Variants in DLGAP2 observed in about 807,000 individuals in gnomAD.
DLGAP2 encodes the protein disks large-associated protein 2.
In DLGAP2, 26 loss-of-function variants were observed where a neutral mutation model predicts 100.3. The observed-to-expected ratio is 0.26, with a 90% CI of 0.19 to 0.36. DLGAP2 has a LOEUF of 0.36. DLGAP2 is among the 10% of genes least tolerant of loss of function. DLGAP2 has a pLI of 1.00. For missense variants in DLGAP2, 1,858 were observed against 1,453.2 expected (o/e 1.28, Z -4.53); for synonymous variants, 886 against 630.1 (o/e 1.41, Z -6.08).
chr8:1,466,238 G>T (rs1798621844), intron 3 of DLGAP2, among the ~76,000 whole-genome samples: 1 of 152,144 alleles, frequency 6.6e-6, no homozygotes, highest in Non-Finnish European at 1.5e-5. Context: ...TCCACAGAGT[G>T]GGCTTTGCTT....
intron 2 of DLGAP2, among the ~76,000 whole-genome samples, chr8:1,106,540 G>A: frequency 6.7e-6 from 1 of 149,810 alleles, no homozygotes; most frequent in Non-Finnish European, 1.5e-5. Context: ...CTATTGAAGG[G>A]AGCCATTCTA....
chr8:1,333,782 G>C (rs1403025169), intron 3 of DLGAP2, among the ~76,000 whole-genome samples: 1 of 152,236 alleles, frequency 6.6e-6, no homozygotes, highest in Non-Finnish European at 1.5e-5. Context: ...TTTCTTTAGA[G>C]GAGGTAAGAC....
intron 2 of DLGAP2, among the ~76,000 whole-genome samples, chr8:1,121,861 C>G (rs1208038618): frequency 6.6e-6 from 1 of 152,230 alleles, no homozygotes; most frequent in African/African-American, 2.4e-5. Context: ...GAACTTATAA[C>G]CTTCTATCCT....
At chr8:1,474,114 C>G (rs1278746450) in intron 3 of DLGAP2, among the ~76,000 whole-genome samples, 2 of 152,154 alleles carry the variant, frequency 1.3e-5, no homozygotes, top group Admixed American at 6.5e-5. Context: ...CTCCCTCTTA[C>G]AAGCAAGAAC....
intron 3 of DLGAP2, among the ~76,000 whole-genome samples, chr8:1,392,215 C>CGG (rs1291512131): frequency 6.6e-6 from 1 of 152,126 alleles, no homozygotes; most frequent in African/African-American, 2.4e-5. Context: ...AGATTATGGA[C>CGG]GGGGCGGCCT....
intron 4 of DLGAP2, among the ~76,000 whole-genome samples, chr8:1,539,280 A>C (rs2130484191): frequency 6.6e-6 from 1 of 152,318 alleles, no homozygotes; most frequent in East Asian, 1.9e-4. Context: ...TCTGGGACTT[A>C]ATCGCTGCTG....
At position 1,544,835 on chromosome 8, in the gene DLGAP2, C is replaced by T. The variant is rs943226709; in HGVS notation, c.173-3791C>T. On this transcript the variant is annotated intron_variant, in intron 4 of 14. Coordinates refer to ENST00000637795, the MANE Select transcript of DLGAP2 (RefSeq NM_001346810.2). ...GCAACTTCTGCCTCCCGGGTTCAAG[C>T]GATTCTCCTGCATCAGCCTCCTGAG... 4.6e-5 allele frequency among the ~76,000 whole-genome samples: 7 copies of T among 151,524 alleles called. No individual in the cohort carries two copies. In the East Asian group the frequency reaches 5.8e-4, roughly 13 times the overall value.
chr8:1,161,500 A>T (rs898081247), intron 2 of DLGAP2, among the ~76,000 whole-genome samples: 1 of 152,156 alleles, frequency 6.6e-6, no homozygotes, highest in African/African-American at 2.4e-5. Context: ...TTCTGTTGGG[A>T]TGTGTGGGGG....
At chr8:955,562 A>G (rs757887971) in intron 2 of DLGAP2, among the ~76,000 whole-genome samples, 3 of 152,254 alleles carry the variant, frequency 2.0e-5, no homozygotes, top group Non-Finnish European at 4.4e-5. Context: ...CTGCCTTAAC[A>G]GGGTTGCTGC....
intron 3 of DLGAP2, among the ~76,000 whole-genome samples, chr8:1,350,995 G>T (rs1204718393): frequency 1.0e-5 from 1 of 99,232 alleles, no homozygotes; most frequent in Non-Finnish European, 2.1e-5. Context: ...TGGAAAGGCC[G>T]TGCGGGTCCT....
At chr8:986,160 G>A (rs975460336) in intron 2 of DLGAP2, among the ~76,000 whole-genome samples, 9 of 152,126 alleles carry the variant, frequency 5.9e-5, no homozygotes, top group African/African-American at 2.2e-4. Flanking sequence ...TTAGTAGGGA[G>A]TGTGACTGGT....
rs1797993646 is a variant in DLGAP2, at chr8:1,446,682, C to T, written c.107-54684C>T. ...CATTGAATGTATAAATTACCTTGGG[C>T]AGTATGGCCATTTTCACAATATTGA... is the stretch of plus-strand genomic sequence containing the variant. On this transcript the variant is annotated intron_variant, in intron 3 of 14. Coordinates refer to ENST00000637795, the MANE Select transcript of DLGAP2 (RefSeq NM_001346810.2). Among the ~76,000 whole-genome samples, 3 of 152,292 alleles carry T rather than the reference C, an allele frequency of 2.0e-5. No individual in the cohort carries two copies. The South Asian group carries it at 6.2e-4, about 32-fold the overall frequency.
chr8:785,390 CCGGCTTCTCTCCTCCCCT>C (rs1189317293), intron 1 of DLGAP2, among the ~76,000 whole-genome samples: 75 of 150,048 alleles, frequency 5.0e-4, no homozygotes, highest in Admixed American at 2.5e-3. Context: ...CCCTCTGAGA[CCGGCTTCTCTCCTCCCCT>C]CAGGTCTCTC....
intron 2 of DLGAP2, among the ~76,000 whole-genome samples, chr8:1,039,620 G>C (rs1313956763): frequency 1.5e-5 from 1 of 66,862 alleles, no homozygotes; most frequent in African/African-American, 6.5e-5. Context: ...GGTCAGCTCG[G>C]TGTGCGTGGT....
chr8:1,419,959 T>G (rs574740682), intron 3 of DLGAP2, among the ~76,000 whole-genome samples: 6 of 152,084 alleles, frequency 3.9e-5, no homozygotes, highest in Non-Finnish European at 8.8e-5. Context: ...ACATGTGAAA[T>G]GGGGTAGGTA....
intron 1 of DLGAP2, among the ~76,000 whole-genome samples, chr8:844,630 A>G (rs1797041472): frequency 6.6e-6 from 1 of 152,170 alleles, no homozygotes; most frequent in Admixed American, 6.5e-5. Context: ...GATCCCCACT[A>G]TGGGGACTCC....
intron 8 of DLGAP2, among the ~76,000 whole-genome samples, chr8:1,652,964 G>T (rs1216250726): frequency 1.3e-5 from 2 of 152,138 alleles, no homozygotes; most frequent in African/African-American, 4.8e-5. Context: ...CCTTTGCCTT[G>T]GGCCCATGAG....
intron 2 of DLGAP2, among the ~76,000 whole-genome samples, chr8:1,184,503 C>G (rs1322815981): frequency 6.6e-6 from 1 of 152,170 alleles, no homozygotes; most frequent in African/African-American, 2.4e-5. Context: ...ACCCGGGGTG[C>G]ACGCGCTGTT....
rs1563179436 is a variant in DLGAP2, at chr8:1,076,989, CCCCAA to C, written c.73+169024_73+169028del. Among the ~76,000 whole-genome samples the C allele has an allele frequency of 8.0e-4, 119 of 148,692 alleles. 1 individual carries two copies. The highest frequency in any genetic ancestry group is 2.7e-3 in the African/African-American group (109 of 40,006). ...GGGAGGAGGAGTCTGTCCCGGGCCC[CCCCAA>C]GACCAAGAGGGTGGAGGAGGAGTCT... is the stretch of plus-strand genomic sequence containing the variant. On this transcript the variant is annotated intron_variant, in intron 2 of 14. Coordinates refer to ENST00000637795, the MANE Select transcript of DLGAP2 (RefSeq NM_001346810.2).
Sources: allele counts gnomAD v4.1 joint callset (sites outside exome capture counted in the v4.1 genomes callset), GRCh38; gene constraint gnomAD v4.1.1; transcripts MANE v1.5; gene names NCBI Gene and HGNC (gene_info 2026-07-23, HGNC 2026-07-21).